The following PEX5L variants were observed in gnomAD, a reference collection of about 807,000 sequenced individuals.
The protein encoded by PEX5L is peroxisomal biogenesis factor 5 like.
PEX5L carries 30 observed loss-of-function variants against 84.0 expected under a neutral mutation model. The ratio of observed to expected loss-of-function variants is 0.36; its 90% CI spans 0.27 to 0.48. The LOEUF is 0.48. Among genes scored for constraint, PEX5L ranks in the 20% least tolerant of loss-of-function variants. The pLI is 0.99. For missense variants in PEX5L, 533 were observed against 754.6 expected (o/e 0.71, Z 3.44); for synonymous variants, 270 against 283.1 (o/e 0.95, Z 0.46).
chr3:179,899,083 T>C (rs965346806), intron 2 of PEX5L, among the ~76,000 whole-genome samples: 4 of 152,086 alleles, frequency 2.6e-5, no homozygotes, highest in South Asian at 4.1e-4. Flanking sequence ...CCCTATGTTA[T>C]TTGTCTCAAA....
At chr3:179,933,547 T>C (rs1773707232) in intron 2 of PEX5L, among the ~76,000 whole-genome samples, 1 of 152,178 alleles carries the variant, frequency 6.6e-6, no homozygotes. Flanking sequence ...CATTGGAAAC[T>C]AGTCTGAAAA....
intron 1 of PEX5L, among the ~76,000 whole-genome samples, chr3:179,975,624 CAT>C (rs1785683852): frequency 6.6e-6 from 1 of 152,190 alleles, no homozygotes; most frequent in Admixed American, 6.5e-5. Context: ...TATTAAAGCA[CAT>C]GTCACATATA....
chr3:179,984,191 A>G lies in PEX5L; in HGVS notation c.22-12526T>C, dbSNP rs546679178. 2.6e-5 allele frequency among the ~76,000 whole-genome samples: 4 copies of G among 152,236 alleles called. No individual in the cohort carries two copies. In the South Asian group the frequency reaches 8.3e-4, roughly 32 times the overall value. On this transcript the variant is annotated intron_variant, in intron 1 of 14. Transcript: ENST00000467460. ...AAATACGATTTCCTTTCTCAACTGT[A>G]TATTTGTGTAAAGATTTTTTTTATT...
intron 2 of PEX5L, among the ~76,000 whole-genome samples, chr3:179,940,239 T>A (rs1775700520): frequency 6.6e-6 from 1 of 150,926 alleles, no homozygotes; most frequent in African/African-American, 2.4e-5. Flanking sequence ...AAGGGGTGGA[T>A]GAGAATGAAG....
chr3:180,023,765 C>A (rs1455126843), intron 1 of PEX5L, among the ~76,000 whole-genome samples: 2 of 139,078 alleles, frequency 1.4e-5, no homozygotes, highest in Non-Finnish European at 3.0e-5. Flanking sequence ...CACACACGCA[C>A]ACACACAGAG....
At chr3:179,948,755 C>T (rs1358135356) in intron 2 of PEX5L, among the ~76,000 whole-genome samples, 3 of 152,128 alleles carry the variant, frequency 2.0e-5, no homozygotes, top group Non-Finnish European at 1.5e-5. Context: ...AGAATGCCTA[C>T]CTTGGATTTT....
chr3:179,883,749 A>G (rs1437795740), intron 4 of PEX5L, among the ~76,000 whole-genome samples: 1 of 152,112 alleles, frequency 6.6e-6, no homozygotes, highest in Non-Finnish European at 1.5e-5. Context: ...ATGCCATTGC[A>G]CTCCAGCTTG....
chr3:179,861,822 C>A (rs1178697958), intron 7 of PEX5L, among the ~76,000 whole-genome samples: 1 of 112,678 alleles, frequency 8.9e-6, no homozygotes, highest in Non-Finnish European at 1.8e-5. Flanking sequence ...ATACTCTTTG[C>A]AAAAGCAAAA....
chr3:179,826,090 T>C (rs1041138984), intron 8 of PEX5L, among the ~76,000 whole-genome samples: 1 of 152,014 alleles, frequency 6.6e-6, no homozygotes, highest in African/African-American at 2.4e-5. Flanking sequence ...GCAGGGTAGC[T>C]GCAGAAATGT....
At chr3:179,999,189 T>G (rs1337137893) in intron 1 of PEX5L, among the ~76,000 whole-genome samples, 1 of 152,092 alleles carries the variant, frequency 6.6e-6, no homozygotes, top group Non-Finnish European at 1.5e-5. Flanking sequence ...ACAAAGAAAT[T>G]TGGGGAAAAG....
chr3:179,988,264 G>A (rs1365242302), intron 1 of PEX5L, among the ~76,000 whole-genome samples: 3 of 151,974 alleles, frequency 2.0e-5, no homozygotes, highest in Non-Finnish European at 4.4e-5. Context: ...AGCCGGGTGT[G>A]GTCATAAGTG....
chr3:179,858,944 T>C, intron 8 of PEX5L, 118 bp downstream of exon 8: 1 of 663,066 alleles, frequency 1.5e-6, no homozygotes, highest in Non-Finnish European at 2.7e-6. Flanking sequence ...ATCATAATCA[T>C]GGCTATTTCA....
At chr3:179,996,427 G>T (rs1429960047) in intron 1 of PEX5L, among the ~76,000 whole-genome samples, 1 of 152,136 alleles carries the variant, frequency 6.6e-6, no homozygotes, top group Non-Finnish European at 1.5e-5. Flanking sequence ...TAGTTTATTT[G>T]CTTGGTTAGC....
chr3:179,831,795 A>G (rs907712992), intron 8 of PEX5L, among the ~76,000 whole-genome samples: 5 of 152,226 alleles, frequency 3.3e-5, no homozygotes, highest in African/African-American at 9.6e-5. Flanking sequence ...GAGGAACAGC[A>G]TATGTAAAAG....
At chr3:179,856,619 A>G (rs1179847774) in intron 8 of PEX5L, among the ~76,000 whole-genome samples, 1 of 152,222 alleles carries the variant, frequency 6.6e-6, no homozygotes, top group African/African-American at 2.4e-5. Context: ...GGAAGTAAAT[A>G]TGTGTGAAGT....
intron 1 of PEX5L, among the ~76,000 whole-genome samples, chr3:180,003,378 G>A (rs1445563632): frequency 6.8e-6 from 1 of 147,828 alleles, no homozygotes; most frequent in East Asian, 1.9e-4. Context: ...GGCTCAGACT[G>A]GGCACTAAAA....
chr3:179,889,232 C>T (rs1006917214), intron 3 of PEX5L, among the ~76,000 whole-genome samples: 2 of 152,152 alleles, frequency 1.3e-5, no homozygotes, highest in Non-Finnish European at 2.9e-5. Flanking sequence ...TCAGCAGTCT[C>T]ATAGTTTAGA....
chr3:179,895,618 T>C (rs1759013123), intron 3 of PEX5L: 1 of 152,120 alleles, frequency 6.6e-6, no homozygotes, highest in Non-Finnish European at 1.5e-5. Flanking sequence ...CACTTCAGCA[T>C]TATTCAATTT....
intron 14 of PEX5L, 60 bp from the exon 15 acceptor site, chr3:179,802,092 A>G: frequency 8.8e-7 from 1 of 1,130,016 alleles, no homozygotes; most frequent in Non-Finnish European, 1.3e-6. Flanking sequence ...GCAAATGTAA[A>G]CAAAACAAAA....
Sources: gnomAD v4.1 joint callset for allele counts (sites outside exome capture counted in the v4.1 genomes callset) on GRCh38, gnomAD v4.1.1 for gene constraint, MANE v1.5 for transcripts, NCBI Gene and HGNC (gene_info 2026-07-23, HGNC 2026-07-21) for gene names.